EML4: variants seen among roughly 807,000 people sequenced by gnomAD.
EML4 encodes the protein echinoderm microtubule-associated protein-like 4.
EML4 carries 72 observed loss-of-function variants against 129.0 expected under a neutral mutation model. The ratio of observed to expected loss-of-function variants is 0.56; its 90% CI spans 0.46 to 0.68. The LOEUF (loss-of-function observed/expected upper bound fraction) is 0.68. Among genes scored for constraint, EML4 ranks in the 30% least tolerant of loss-of-function variants. The pLI, the probability that EML4 is intolerant of heterozygous loss-of-function variation, is 0.00. For synonymous variants in EML4, 532 were observed against 405.0 expected (o/e 1.31, Z -3.77); for missense variants, 1,363 against 1,190.6 (o/e 1.14, Z -2.13).
At chr2:42,173,023 C>T (rs1385989568) in intron 1 of EML4, among the ~76,000 whole-genome samples, 1 of 152,128 alleles carries the variant, frequency 6.6e-6, no homozygotes, top group Admixed American at 6.5e-5. Context: ...TCTTCTTCCC[C>T]CTAAGAAAAA....
chr2:42,234,073 G>A lies in EML4; in HGVS notation c.26-11432G>A, dbSNP rs116301557. Among the ~76,000 whole-genome samples the A allele has an allele frequency of 6.1e-3, 934 of 152,350 alleles. 6 individuals carry two copies. The highest frequency in any genetic ancestry group is 0.021 in the African/African-American group (881 of 41,582). On this transcript the variant is annotated intron_variant, in intron 1 of 22. Transcript: ENST00000318522. ...TAGGGTTTAGCCACTCCTCAAAGCA[G>A]CCCAGGTTTTTTGTCTGTATCCTGC...
chr2:42,200,819 A>C (rs1025144129), intron 1 of EML4, among the ~76,000 whole-genome samples: 1 of 152,170 alleles, frequency 6.6e-6, no homozygotes, highest in Non-Finnish European at 1.5e-5. Context: ...AAAGAATGTA[A>C]AGCAAAGGAC....
intron 16 of EML4, among the ~76,000 whole-genome samples, chr2:42,303,717 A>G (rs576916646): frequency 6.6e-6 from 1 of 152,296 alleles, no homozygotes; most frequent in South Asian, 2.1e-4. Context: ...CGAGGTCAGG[A>G]GATCGAGACC....
chr2:42,247,662 G>GATTTATTT lies in EML4; in HGVS notation c.208+1997_208+2004dup, dbSNP rs368933918. Among the ~76,000 whole-genome samples, 960 of 151,936 alleles carry GATTTATTT rather than the reference G, an allele frequency of 6.3e-3. 7 individuals are homozygous for GATTTATTT. Among genetic ancestry groups the GATTTATTT allele is most frequent in the African/African-American group, 0.022 (897 of 41,438 alleles). ...AGTGTTATATTATGCTTGCTTGCTT[G>GATTTATTT]ATTTATTTATTTATTTATTTATTTA... On this transcript the variant is annotated intron_variant, in intron 2 of 22. Coordinates refer to ENST00000318522, the MANE Select transcript of EML4 (RefSeq NM_019063.5).
chr2:42,179,088 C>T (rs548524748), intron 1 of EML4, among the ~76,000 whole-genome samples: 2 of 152,184 alleles, frequency 1.3e-5, no homozygotes, highest in South Asian at 2.1e-4. Context: ...ACCTTGTGTG[C>T]ATGATCAAAA....
chr2:42,314,295 G>A (rs981753563), intron 17 of EML4, among the ~76,000 whole-genome samples: 3 of 152,096 alleles, frequency 2.0e-5, no homozygotes, highest in Admixed American at 6.5e-5. Flanking sequence ...GGAGGCGGAG[G>A]TTGCAGTGAG....
At position 42,180,180 on chromosome 2, in the gene EML4, C is replaced by A. The variant is rs568814452; in HGVS notation, c.25+10544C>A. On this transcript the variant is annotated intron_variant, in intron 1 of 22. Coordinates refer to ENST00000318522, the MANE Select transcript of EML4 (RefSeq NM_019063.5). ...AAAAAATTGGAACTATCCTGTCTTC[C>A]AGAAAATTCCAGGCAAACCCTTGAG... is the stretch of plus-strand genomic sequence containing the variant. Among the ~76,000 whole-genome samples the A allele has an allele frequency of 6.6e-5, 10 of 152,178 alleles. No individual in the cohort carries two copies. The South Asian group carries it at 2.1e-3, about 32-fold the overall frequency.
At chr2:42,249,231 T>C (rs548031553) in intron 2 of EML4, among the ~76,000 whole-genome samples, 4 of 152,316 alleles carry the variant, frequency 2.6e-5, no homozygotes, top group African/African-American at 7.2e-5. Flanking sequence ...TGTAGGGATT[T>C]GTATTTTTTC....
At chr2:42,175,652 C>T (rs1228022942) in intron 1 of EML4, among the ~76,000 whole-genome samples, 4 of 152,052 alleles carry the variant, frequency 2.6e-5, no homozygotes, top group East Asian at 1.9e-4. Flanking sequence ...GTGTGCACCA[C>T]CGCACCCAGC....
chr2:42,180,442 C>G (rs556697726), intron 1 of EML4, among the ~76,000 whole-genome samples: 100 of 152,322 alleles, frequency 6.6e-4, no homozygotes, highest in African/African-American at 2.2e-3. Flanking sequence ...TCTGGACTTG[C>G]ATTCCATTCC....
intron 2 of EML4, among the ~76,000 whole-genome samples, chr2:42,255,458 G>A (rs890002270): frequency 6.6e-6 from 1 of 152,124 alleles, no homozygotes; most frequent in Admixed American, 6.6e-5. Flanking sequence ...GCACAACATT[G>A]TGAATATACT....
Position 42,267,800 on chromosome 2 carries a change from T to C in EML4, c.667+3069T>C, listed in dbSNP as rs377038520. On this transcript the variant is annotated intron_variant, in intron 6 of 22. Transcript: ENST00000318522. ...GTTTATACCCTGAAACCTAAACTTT[T>C]TTTCATTACTCTCTCCCCTAGTTCT... 1.3e-4 allele frequency among the ~76,000 whole-genome samples: 20 copies of C among 152,308 alleles called. No homozygotes were observed. The South Asian group carries it at 4.1e-3, about 32-fold the overall frequency.
chr2:42,184,850 A>G (rs1671154054), intron 1 of EML4, among the ~76,000 whole-genome samples: 1 of 152,168 alleles, frequency 6.6e-6, no homozygotes, highest in Non-Finnish European at 1.5e-5. Context: ...TTCAGTTAGG[A>G]AATACATTTC....
At chr2:42,259,837 C>T (rs1665610130) in intron 3 of EML4, among the ~76,000 whole-genome samples, 1 of 146,820 alleles carries the variant, frequency 6.8e-6, no homozygotes. Flanking sequence ...TCACACCATT[C>T]TCCTGCCTCA....
intron 1 of EML4, among the ~76,000 whole-genome samples, chr2:42,185,409 G>C (rs796274515): frequency 3.3e-4 from 51 of 152,326 alleles, no homozygotes; most frequent in African/African-American, 1.2e-3. Context: ...AGTAGTAACA[G>C]AGACCAAATG....
intron 1 of EML4, among the ~76,000 whole-genome samples, chr2:42,230,119 T>C (rs1450761701): frequency 6.6e-6 from 1 of 152,182 alleles, no homozygotes; most frequent in Non-Finnish European, 1.5e-5. Context: ...GTCACCAAAC[T>C]AATAAGTGTC....
At chr2:42,319,989 A>C (rs1388804247) in intron 19 of EML4, 1 of 152,236 alleles carries the variant, frequency 6.6e-6, no homozygotes, top group Non-Finnish European at 1.5e-5. Context: ...AGTAAATCTT[A>C]TAACTTACAA....
intron 1 of EML4, among the ~76,000 whole-genome samples, chr2:42,197,001 G>C (rs1671931378): frequency 6.6e-6 from 1 of 152,158 alleles, no homozygotes; most frequent in Admixed American, 6.5e-5. Flanking sequence ...AAATACAGTA[G>C]AAGAGCCCTG....
intron 6 of EML4, chr2:42,265,024 A>T (rs2104400804): frequency 7.5e-7 from 1 of 1,330,906 alleles, no homozygotes; most frequent in East Asian, 2.5e-5. Context: ...GCTTTTTATT[A>T]TTTATGCTGC....
Sources: allele counts gnomAD v4.1 joint callset (sites outside exome capture counted in the v4.1 genomes callset), GRCh38; gene constraint gnomAD v4.1.1; transcripts MANE v1.5; gene names NCBI Gene and HGNC (gene_info 2026-07-23, HGNC 2026-07-21).